Variants in ASPM observed in about 807,000 individuals in gnomAD.
ASPM encodes assembly factor for spindle microtubules.
ASPM carries 256 observed loss-of-function variants against 366.4 expected under a neutral mutation model. The observed-to-expected ratio is 0.70, with a 90% confidence interval of 0.63 to 0.77. The LOEUF is 0.77. Among genes scored for constraint, ASPM ranks in the 30% least tolerant of loss-of-function variants. The pLI is 0.00. For synonymous variants in ASPM, 1,414 were observed against 1,342.9 expected, an observed-to-expected ratio of 1.05 and a Z score of -1.16; for missense variants, 4,146 against 4,090.4, an observed-to-expected ratio of 1.01 and a Z score of -0.37.
chr1:197,138,882 A>T lies in ASPM; in HGVS notation c.2026+885T>A, dbSNP rs115728332. On this transcript the variant is annotated intron_variant, in intron 4 of 27. Transcript: ENST00000367409. ...TTTTTTCTCTTCTTCGAGCTTCCTT[A>T]TCTCCTCCTGTTGAATCATTTTAAG... is the stretch of plus-strand genomic sequence containing the variant. 1,736 of 952,058 alleles carry T rather than the reference A, an allele frequency of 1.8e-3. 13 individuals are homozygous for T. In the African/African-American group the frequency reaches 0.022, roughly 12 times the overall value. The allele number at this position is 952,058 out of a possible 1,614,324, so 59.0% of individuals were successfully genotyped here. A position where few individuals can be genotyped will look rare whatever the true frequency, so the allele number is the denominator to read the frequency against.
chr1:197,121,765 C>A lies in ASPM; in HGVS notation c.3870+150G>T, dbSNP rs570675568. ...TAGCAATTAGGGAGAAATACTCATA[C>A]CTCCCCAACCCAAAATACATATACA... On this transcript the variant is annotated intron_variant, in intron 16 of 27. Coordinates refer to ENST00000367409, the MANE Select transcript of ASPM (RefSeq NM_018136.5). 2.5e-5 allele frequency: 24 copies of A among 947,006 alleles called. No individual in the cohort carries two copies. The South Asian group carries it at 3.2e-4, about 13-fold the overall frequency. The allele number at this position is 947,006 out of a possible 1,614,324, so 58.7% of individuals were successfully genotyped here. A position where few individuals can be genotyped will look rare whatever the true frequency, so the allele number is the denominator to read the frequency against.
rs112559696 is a variant in ASPM at position 197,135,566 on chromosome 1, A to G, written c.2027-324T>C. On this transcript the variant is annotated intron_variant, in intron 4 of 27. Coordinates refer to ENST00000367409, the MANE Select transcript of ASPM (RefSeq NM_018136.5). ...GTGGTACATGTGATAATATATTCAT[A>G]GAATTTATACAAATCAGGTCAGGGT... 4.3e-3 allele frequency among the ~76,000 whole-genome samples: 646 copies of G among 151,558 alleles called. 5 individuals carry two copies. Among genetic ancestry groups the G allele is most frequent in the African/African-American group, 0.015 (629 of 41,370 alleles).
chr1:197,142,143 C>A (rs1018828298), intron 3 of ASPM, among the ~76,000 whole-genome samples, 188 bp downstream of exon 3: 8 of 152,062 alleles, frequency 5.3e-5, no homozygotes, highest in African/African-American at 1.9e-4. Flanking sequence ...CTACAAGAAA[C>A]AGCAAAAGCA....
chr1:197,133,494 G>A lies in ASPM; in HGVS notation c.2275C>T (p.Arg759Trp), dbSNP rs777867809. Residue 759 changes from arginine to tryptophan, a missense_variant, in exon 6 of 28, where the codon CGG becomes TGG. By Grantham distance (101) the Arg-to-Trp change is moderately radical (BLOSUM62 -3). Transcript: ENST00000367409. ...EEMSLRAYTA[R>W]CRLNRLRRAA... ...CGACGTAGTCTGTTTAACCTACACC[G>A]AGCAGTATAAGCTCTGAGAGACATT... is the stretch of plus-strand genomic sequence containing the variant. 152 of 1,613,892 alleles carry A rather than the reference G, an allele frequency of 9.4e-5. 2 individuals carry two copies. The Admixed American group carries it at 2.3e-3, about 24-fold the overall frequency.
rs147055570 is a variant in ASPM, at chr1:197,143,111, C to T, written c.1141G>A (p.Asp381Asn). 6.2e-7 allele frequency: 1 copy of T among 1,612,746 alleles called. No homozygotes were observed. The highest frequency in any genetic ancestry group is 1.1e-5 in the South Asian group (1 of 90,962). ...GGATTAACTGACTCTGATTCTAGATCCTGATTTAGTCCATAATTATCTTTT... is the reference window on the plus strand; with the variant it reads ...GGATTAACTGACTCTGATTCTAGATTCTGATTTAGTCCATAATTATCTTTT... Reference protein sequence around the residue: ...FIKDNYGLNQDLESESVNPIL... With the variant: ...FIKDNYGLNQNLESESVNPIL... Residue 381 changes from aspartate (D) to asparagine (N), a missense_variant, in exon 3 of 28, where the codon GAT (aspartate) becomes AAT (asparagine). Physicochemically the swap from Asp to Asn is conservative, Grantham distance 23. Around this residue, in one of 3 missense-constraint regions of ASPM, gnomAD observed 512 missense variants for 471.7 expected, o/e 1.09. Transcript: ENST00000367409.
At chr1:197,088,495 C>A in intron 25 of ASPM, 63 bp from the exon 26 acceptor site, 3 of 1,475,270 alleles carry the variant, frequency 2.0e-6, no homozygotes, top group East Asian at 2.3e-5. Context: ...AACAACCCAA[C>A]CAAAAAAACA....
intron 4 of ASPM, among the ~76,000 whole-genome samples, chr1:197,136,366 T>C (rs751605553): frequency 3.3e-5 from 5 of 152,180 alleles, no homozygotes; most frequent in Non-Finnish European, 7.4e-5. Flanking sequence ...AACAGTATTA[T>C]TGTAATTTTG....
At chr1:197,146,010 G>C (rs1658765171) in intron 1 of ASPM, 131 bp downstream of exon 1, 2 of 1,179,944 alleles carry the variant, frequency 1.7e-6, no homozygotes, top group African/African-American at 1.5e-5. Flanking sequence ...TTGAGTGAAA[G>C]GGAACTGACT....
chr1:197,123,681 G>T (rs2125104934), intron 13 of ASPM, among the ~76,000 whole-genome samples: 1 of 152,118 alleles, frequency 6.6e-6, no homozygotes, highest in East Asian at 1.9e-4. Flanking sequence ...TTTACACTAA[G>T]AAGTATACTT....
chr1:197,128,101 T>G lies in ASPM; in HGVS notation c.2936+389A>C, dbSNP rs1002277420. On this transcript the variant is annotated intron_variant, in intron 10 of 27. Coordinates refer to ENST00000367409, the MANE Select transcript of ASPM (RefSeq NM_018136.5). ...AATGGCGTGAACCCAGGAGGTAGGC[T>G]TGCAGTGAGCCGAGACCTTGCCAGT... is the stretch of plus-strand genomic sequence containing the variant. Among the ~76,000 whole-genome samples the G allele has an allele frequency of 2.7e-4, 41 of 151,918 alleles. No homozygotes were observed. The East Asian group carries it at 7.8e-3, about 29-fold the overall frequency.
Position 197,088,424 on chromosome 1 carries a change from T to G in ASPM, c.9993A>C (p.Lys3331Asn), listed in dbSNP as rs1252361392. The G allele has an allele frequency of 2.5e-6, 4 of 1,597,396 alleles. No individual in the cohort carries two copies. Among genetic ancestry groups the G allele is most frequent in the Non-Finnish European group, 3.4e-6 (4 of 1,166,964 alleles). Residue 3331 changes from lysine to asparagine, a missense_variant, in exon 26 of 28, where the codon AAA becomes AAC. Coordinates refer to ENST00000367409, the MANE Select transcript of ASPM (RefSeq NM_018136.5). ...QVLLNVSKYE[K>N]TTSAVYDVEN... ...CTACATCATAAACTGCTGAAGTAGTTTTCTCATACTTGAAGAGAACAGAAT... is the reference window on the plus strand; with the variant it reads ...CTACATCATAAACTGCTGAAGTAGTGTTCTCATACTTGAAGAGAACAGAAT...
chr1:197,103,835 T>A lies in ASPM; in HGVS notation c.5416A>T (p.Thr1806Ser), dbSNP rs763068259. The change falls in exon 18 of 28, where the codon ACT becomes TCT. Residue 1806 changes from threonine (T) to serine (S), a missense_variant. Around this residue, in one of 3 missense-constraint regions of ASPM, gnomAD observed 3,624 missense variants for 3,591.7 expected, o/e 1.01. Transcript: ENST00000367409. The part of the protein sequence containing the change: ...KNFLQVKKAA[T>S]CLQAAYRGYK... Reference sequence around the variant, plus strand: ...CCTCTGTAAGCTGCTTGCAAGCAAGTAGCTGCTTTTTTGACTTGCAAGAAG... The same window carrying A: ...CCTCTGTAAGCTGCTTGCAAGCAAGAAGCTGCTTTTTTGACTTGCAAGAAG... The A allele has an allele frequency of 6.2e-7, 1 of 1,613,036 alleles. No individual in the cohort carries two copies. Among genetic ancestry groups the A allele is most frequent in the Non-Finnish European group, 8.5e-7 (1 of 1,179,388 alleles).
chr1:197,134,286 C>G lies in ASPM; in HGVS notation c.2174-691G>C, dbSNP rs569673474. ...AACTAGCCAGGCATGGTGGCGTGCA[C>G]TGGTAGTCACAACTACTCAGGAGTT... On this transcript the variant is annotated intron_variant, in intron 5 of 27. Coordinates refer to ENST00000367409, the MANE Select transcript of ASPM (RefSeq NM_018136.5). Among the ~76,000 whole-genome samples, 3 of 151,122 alleles carry G rather than the reference C, an allele frequency of 2.0e-5. No homozygotes were observed. In the South Asian group the frequency reaches 6.3e-4, roughly 32 times the overall value.
chr1:197,133,306 A>G (rs774380220), intron 6 of ASPM, 44 bp downstream of exon 6: 7 of 1,572,296 alleles, frequency 4.5e-6, no homozygotes, highest in Non-Finnish European at 6.0e-6. Context: ...AATCTCTTGA[A>G]TGTTTTTAAA....
rs1341381543 is a variant in ASPM, at chr1:197,139,115, A to G, written c.2026+652T>C. On this transcript the variant is annotated intron_variant, in intron 4 of 27. Transcript: ENST00000367409. Reference sequence around the variant, plus strand: ...AGTTTTTGGTACCTACAGCATTCATAGTGCTGAGTGTAGGTTTTTCTTTTA... The same window carrying G: ...AGTTTTTGGTACCTACAGCATTCATGGTGCTGAGTGTAGGTTTTTCTTTTA... 5.1e-6 allele frequency: 4 copies of G among 787,880 alleles called. No homozygotes were observed. The Admixed American group carries it at 5.4e-5, about 11-fold the overall frequency. 48.8% of individuals were successfully genotyped at this position (787,880 alleles called of 1,614,324 possible).
chr1:197,093,840 C>T (rs1244838281), intron 20 of ASPM, among the ~76,000 whole-genome samples: 1 of 151,620 alleles, frequency 6.6e-6, no homozygotes, highest in African/African-American at 2.4e-5. Context: ...AAGCGAAGTA[C>T]AATAAAACAA....
rs988076346 is a variant in ASPM, at chr1:197,146,565, G to A, written c.-128C>T. The A allele has an allele frequency of 1.5e-5, 15 of 1,017,362 alleles. No individual in the cohort carries two copies. The Middle Eastern group carries it at 2.1e-3, about 144-fold the overall frequency. The allele number at this position is 1,017,362 out of a possible 1,614,324, so 63.0% of individuals were successfully genotyped here. A position where few individuals can be genotyped will look rare whatever the true frequency, so the allele number is the denominator to read the frequency against. ...CTGTAGAGGTCGTGGGAGTGAATTC[G>A]GCCCTTTTTCTTTTCCACTAACCTA... On this transcript the variant is annotated 5_prime_UTR_variant, in exon 1 of 28. Transcript: ENST00000367409.
intron 17 of ASPM, among the ~76,000 whole-genome samples, chr1:197,107,553 T>C (rs1186368809): frequency 1.3e-5 from 2 of 151,862 alleles, no homozygotes; most frequent in African/African-American, 2.4e-5. Context: ...AACAGAAAAA[T>C]TTCAACTCTC....
intron 1 of ASPM, 142 bp downstream of exon 1, chr1:197,145,999 A>T (rs777130902): frequency 1.9e-6 from 2 of 1,055,958 alleles, no homozygotes; most frequent in Non-Finnish European, 2.9e-6. Context: ...ACCCACAGTT[A>T]TTGAGTGAAA....
Sources: allele counts gnomAD v4.1 joint callset (sites outside exome capture counted in the v4.1 genomes callset), GRCh38; gene constraint gnomAD v4.1.1; regional missense constraint gnomAD v4.1.1; transcripts MANE v1.5; gene names NCBI Gene and HGNC (gene_info 2026-07-23, HGNC 2026-07-21).